SLC9A9: variants seen among roughly 807,000 people sequenced by gnomAD.
SLC9A9 encodes sodium/hydrogen exchanger 9.
In SLC9A9, 62 loss-of-function variants were observed where a neutral mutation model predicts 77.8. The ratio of observed to expected loss-of-function variants is 0.80; its 90% confidence interval spans 0.65 to 0.98. The LOEUF is 0.98. SLC9A9 is among the 50% of genes least tolerant of loss of function. The pLI, the probability that SLC9A9 is intolerant of heterozygous loss-of-function variation, is 0.00. For missense variants in SLC9A9, 775 were observed against 774.9 expected (o/e 1.00, Z 0.00); for synonymous variants, 320 against 283.5 (o/e 1.13, Z -1.29).
chr3:143,714,564 C>T (rs1448427880), intron 4 of SLC9A9, among the ~76,000 whole-genome samples: 2 of 152,220 alleles, frequency 1.3e-5, no homozygotes, highest in African/African-American at 4.8e-5. Context: ...TATTTTAAAA[C>T]ACAAATCTGA....
chr3:143,782,021 A>G (rs2007897940), intron 4 of SLC9A9, among the ~76,000 whole-genome samples: 1 of 152,176 alleles, frequency 6.6e-6, no homozygotes, highest in Non-Finnish European at 1.5e-5. Flanking sequence ...AGACCAGAAC[A>G]CTGGACATTT....
At chr3:143,691,176 C>A (rs1326398245) in intron 5 of SLC9A9, among the ~76,000 whole-genome samples, 1 of 152,102 alleles carries the variant, frequency 6.6e-6, no homozygotes, top group Non-Finnish European at 1.5e-5. Flanking sequence ...ACCTCAGCCT[C>A]CCAAGTAGCT....
chr3:143,370,250 A>C (rs552536512), intron 13 of SLC9A9, among the ~76,000 whole-genome samples: 16 of 152,306 alleles, frequency 1.1e-4, no homozygotes, highest in Admixed American at 3.9e-4. Context: ...GAGATAATAA[A>C]ATGTTGAGGC....
In SLC9A9 at chr3:143,265,609, G is replaced by T; in HGVS notation, c.*1093C>A. ...GGTGCTAGGCTTGAGGTATCTTTAT[G>T]GCTTAAAAGGCACAGGTCATGCAGC... On this transcript the variant is annotated 3_prime_UTR_variant, in exon 16 of 16. Transcript: ENST00000316549. The T allele has an allele frequency of 3.0e-6, 1 of 338,296 alleles. No homozygotes were observed. Among genetic ancestry groups the T allele is most frequent in the Non-Finnish European group, 5.3e-6 (1 of 188,176 alleles). The allele number at this position is 338,296 out of a possible 1,614,324, so 21.0% of individuals were successfully genotyped here.
chr3:143,684,311 T>C (rs1933192935), intron 5 of SLC9A9, among the ~76,000 whole-genome samples: 1 of 152,084 alleles, frequency 6.6e-6, no homozygotes, highest in Admixed American at 6.6e-5. Context: ...TAAGCACTTG[T>C]GTATTTTGCC....
chr3:143,655,429 A>G, intron 5 of SLC9A9: 1 of 972,394 alleles, frequency 1.0e-6, no homozygotes, highest in Non-Finnish European at 1.2e-6. Flanking sequence ...AGGGGAAAAG[A>G]TGCAATCCGA....
At chr3:143,823,665 AT>A (rs1269279620) in intron 2 of SLC9A9, among the ~76,000 whole-genome samples, 1 of 152,004 alleles carries the variant, frequency 6.6e-6, no homozygotes, top group Non-Finnish European at 1.5e-5. Flanking sequence ...AAATAAAAAA[AT>A]TAAAAAATAA....
At chr3:143,520,752 T>C (rs1287753612) in intron 9 of SLC9A9, among the ~76,000 whole-genome samples, 1 of 152,234 alleles carries the variant, frequency 6.6e-6, no homozygotes, top group Non-Finnish European at 1.5e-5. Flanking sequence ...GACTCCAGTC[T>C]GTGCTCTTAA....
chr3:143,463,728 C>T (rs144510099), intron 12 of SLC9A9, among the ~76,000 whole-genome samples: 3 of 152,258 alleles, frequency 2.0e-5, no homozygotes, highest in African/African-American at 7.2e-5. Flanking sequence ...ATTTTCAATG[C>T]TGCATTACAA....
Position 143,574,095 on chromosome 3 carries a change from G to A in SLC9A9, c.993C>T (p.Gly331=). 1 of 1,612,954 alleles carries A rather than the reference G, an allele frequency of 6.2e-7. No individual in the cohort carries two copies. Among genetic ancestry groups the A allele is most frequent in the Non-Finnish European group, 8.5e-7 (1 of 1,179,282 alleles). The change falls in exon 8 of 16, where the codon GGC becomes GGT. Residue 331 remains glycine (G), a synonymous_variant. Transcript: ENST00000316549. ...GCAGCATGAAGCACTGACCTGTTAGGCCGGCAGCCTCGGCAGACAGGAAGG... is the reference window on the plus strand; with the variant it reads ...GCAGCATGAAGCACTGACCTGTTAGACCGGCAGCCTCGGCAGACAGGAAGG... ...WSAFLSAEAA[G]LTGIVAVLFC... is the part of the protein sequence containing the mutation.
intron 9 of SLC9A9, among the ~76,000 whole-genome samples, chr3:143,532,347 A>T (rs2036522410): frequency 6.6e-6 from 1 of 152,242 alleles, no homozygotes; most frequent in African/African-American, 2.4e-5. Flanking sequence ...ACTACTGGAT[A>T]TAATTCATAC....
chr3:143,432,709 C>A lies in SLC9A9; in HGVS notation c.1469+34328G>T, dbSNP rs1167203290. Among the ~76,000 whole-genome samples the A allele has an allele frequency of 3.3e-5, 5 of 152,268 alleles. No individual in the cohort carries two copies. The East Asian group carries it at 9.6e-4, about 29-fold the overall frequency. ...GTGGCGTGATCTTGGCTCACTGCAA[C>A]CTCCGCCTCCCAGGTTCAAGCGATT... is the stretch of plus-strand genomic sequence containing the variant. On this transcript the variant is annotated intron_variant, in intron 12 of 15. Transcript: ENST00000316549.
At chr3:143,297,447 A>G (rs919986093) in intron 14 of SLC9A9, among the ~76,000 whole-genome samples, 15 of 152,294 alleles carry the variant, frequency 9.8e-5, no homozygotes, top group African/African-American at 3.4e-4. Flanking sequence ...GCTTTGTAGT[A>G]TAATTTGAAA....
chr3:143,784,979 C>A (rs2008003568), intron 4 of SLC9A9, among the ~76,000 whole-genome samples: 1 of 152,116 alleles, frequency 6.6e-6, no homozygotes, highest in Admixed American at 6.5e-5. Context: ...AGGGCCCTCA[C>A]CAGAACCTTA....
chr3:143,366,196 G>C (rs1182558467), intron 13 of SLC9A9, among the ~76,000 whole-genome samples: 1 of 152,188 alleles, frequency 6.6e-6, no homozygotes, highest in Non-Finnish European at 1.5e-5. Flanking sequence ...CAATAATGAT[G>C]GTCCCAAGCT....
intron 1 of SLC9A9, among the ~76,000 whole-genome samples, chr3:143,840,301 G>A (rs558929725): frequency 9.9e-5 from 15 of 151,794 alleles, no homozygotes; most frequent in East Asian, 1.9e-4. Flanking sequence ...ACCATCTTGG[G>A]CTCATGCACA....
intron 12 of SLC9A9, among the ~76,000 whole-genome samples, chr3:143,391,735 C>T (rs2033571202): frequency 6.6e-6 from 1 of 152,094 alleles, no homozygotes; most frequent in African/African-American, 2.4e-5. Flanking sequence ...ACTAGAATAA[C>T]CAGTGTAGAG....
intron 4 of SLC9A9, among the ~76,000 whole-genome samples, chr3:143,717,081 T>C (rs1576678592): frequency 1.3e-5 from 2 of 149,104 alleles, no homozygotes; most frequent in East Asian, 3.9e-4. Flanking sequence ...GGGTATGCCA[T>C]GGCAGAACCC....
intron 5 of SLC9A9, among the ~76,000 whole-genome samples, chr3:143,653,217 T>C (rs1170381814): frequency 1.3e-5 from 2 of 152,224 alleles, no homozygotes; most frequent in African/African-American, 4.8e-5. Context: ...GGTTGCCTGC[T>C]GCATGGCCTG....
Sources: allele counts gnomAD v4.1 joint callset (sites outside exome capture counted in the v4.1 genomes callset), GRCh38; gene constraint gnomAD v4.1.1; transcripts MANE v1.5; gene names NCBI Gene and HGNC (gene_info 2026-07-23, HGNC 2026-07-21).